The following LPP variants were observed in gnomAD, a reference collection of about 807,000 sequenced individuals.
LPP encodes the protein LIM domain containing preferred translocation partner in lipoma, also known as lipoma-preferred partner.
Under a neutral mutation model 60.4 loss-of-function variants are expected in LPP, and 38 were observed. The observed-to-expected ratio is 0.63, with a 90% CI of 0.49 to 0.83. The LOEUF (loss-of-function observed/expected upper bound fraction) is 0.83. LPP is among the 40% of genes least tolerant of loss of function. The probability of loss-of-function intolerance (pLI) is 0.00; values close to 1 mark genes in which losing one functional copy is unlikely to be tolerated. For missense variants in LPP, 902 were observed against 783.6 expected, an observed-to-expected ratio of 1.15 and a Z score of -1.80; for synonymous variants, 328 against 290.8, an observed-to-expected ratio of 1.13 and a Z score of -1.30.
intron 9 of LPP, among the ~76,000 whole-genome samples, chr3:188,788,716 C>G (rs1211137482): frequency 3.9e-5 from 6 of 152,146 alleles, no homozygotes; most frequent in Non-Finnish European, 8.8e-5. Flanking sequence ...GTATAAGCAT[C>G]AAAGGGGTAG....
intron 2 of LPP, among the ~76,000 whole-genome samples, chr3:188,339,483 A>T: frequency 6.6e-6 from 1 of 152,144 alleles, no homozygotes; most frequent in East Asian, 1.9e-4. Flanking sequence ...GGTTTAATTG[A>T]CTCACAGTTC....
At chr3:188,746,436 G>C in intron 8 of LPP, 1 of 472,266 alleles carries the variant, frequency 2.1e-6, no homozygotes, top group South Asian at 1.6e-5. Flanking sequence ...TTTTGTTTCA[G>C]AAATAAAGCA....
intron 7 of LPP, among the ~76,000 whole-genome samples, chr3:188,668,833 C>A (rs964113138): frequency 3.9e-5 from 6 of 152,172 alleles, no homozygotes; most frequent in Non-Finnish European, 8.8e-5. Flanking sequence ...TACTCTTTAT[C>A]GCTTCTCAGC....
intron 3 of LPP, among the ~76,000 whole-genome samples, chr3:188,376,973 T>G (rs1474102454): frequency 1.3e-5 from 2 of 152,188 alleles, no homozygotes; most frequent in East Asian, 3.8e-4. Context: ...GAAGCTTAGT[T>G]TGGCTGGATA....
chr3:188,837,787 T>C lies in LPP; in HGVS notation c.1411-28413T>C, dbSNP rs561209632. Among the ~76,000 whole-genome samples the C allele has an allele frequency of 2.3e-3, 345 of 152,186 alleles. 1 individual carries two copies. The highest frequency in any genetic ancestry group is 7.9e-3 in the African/African-American group (329 of 41,510). On this transcript the variant is annotated intron_variant, in intron 9 of 11. Transcript: ENST00000617246. ...AACTTAACAAGGATGCCTTAAGAAA[T>C]ATAAAGGTGTCATTGCCCAGGAGGC...
intron 9 of LPP, among the ~76,000 whole-genome samples, chr3:188,792,425 C>T (rs990007833): frequency 2.6e-5 from 4 of 152,220 alleles, no homozygotes; most frequent in African/African-American, 7.2e-5. Context: ...GGTTTGCTGC[C>T]GGTGAGAAGC....
chr3:188,175,080 A>AATTTT, intron 1 of LPP, among the ~76,000 whole-genome samples: 1 of 152,124 alleles, frequency 6.6e-6, no homozygotes, highest in Admixed American at 6.6e-5. Flanking sequence ...TTTAGAGTAG[A>AATTTT]ATTTTATTTT....
At chr3:188,381,185 G>A (rs977755956) in intron 3 of LPP, among the ~76,000 whole-genome samples, 2 of 112,624 alleles carry the variant, frequency 1.8e-5, no homozygotes, top group African/African-American at 2.9e-5. Context: ...CGTGTGACAC[G>A]AATGCAAACA....
At chr3:188,541,190 A>G (rs926172538) in intron 6 of LPP, among the ~76,000 whole-genome samples, 14 of 152,212 alleles carry the variant, frequency 9.2e-5, no homozygotes, top group Non-Finnish European at 1.8e-4. Flanking sequence ...CATGTAAAGC[A>G]ATAGTTAAGT....
chr3:188,280,843 A>G (rs75899562), intron 2 of LPP, among the ~76,000 whole-genome samples: 2,896 of 152,222 alleles, frequency 0.019, 43 homozygotes, highest in Non-Finnish European at 0.032. Context: ...ATTGTATACA[A>G]ATGACCTTAG....
chr3:188,194,522 T>C (rs1052309731), intron 1 of LPP, among the ~76,000 whole-genome samples: 2 of 152,194 alleles, frequency 1.3e-5, no homozygotes, highest in African/African-American at 4.8e-5. Context: ...CTCTATCCAG[T>C]TCTACTAACC....
At chr3:188,173,793 G>A (rs993170565) in intron 1 of LPP, among the ~76,000 whole-genome samples, 5 of 152,116 alleles carry the variant, frequency 3.3e-5, no homozygotes, top group Admixed American at 2.0e-4. Flanking sequence ...TGACAATGCT[G>A]GGAGAAGCTG....
intron 6 of LPP, among the ~76,000 whole-genome samples, chr3:188,547,298 AAAC>A (rs1826907227): frequency 6.6e-6 from 1 of 152,212 alleles, no homozygotes; most frequent in African/African-American, 2.4e-5. Flanking sequence ...CTCAGGAAAC[AAAC>A]AACACACATG....
At chr3:188,770,408 G>T (rs1483039724) in intron 9 of LPP, among the ~76,000 whole-genome samples, 4 of 148,112 alleles carry the variant, frequency 2.7e-5, no homozygotes, top group Non-Finnish European at 5.9e-5. Flanking sequence ...AGCCAGGATG[G>T]TCTTGATCTC....
At chr3:188,527,641 T>C (rs1306205120) in intron 6 of LPP, among the ~76,000 whole-genome samples, 1 of 152,116 alleles carries the variant, frequency 6.6e-6, no homozygotes, top group Admixed American at 6.5e-5. Context: ...TTTTTTTGAT[T>C]CCACCCAAGC....
intron 9 of LPP, among the ~76,000 whole-genome samples, chr3:188,851,852 T>C (rs1360696218): frequency 2.6e-5 from 4 of 152,288 alleles, no homozygotes; most frequent in Non-Finnish European, 5.9e-5. Context: ...TCTTACAGTT[T>C]GGTGGGTCAG....
At chr3:188,198,127 T>G (rs1308360524) in intron 1 of LPP, among the ~76,000 whole-genome samples, 1 of 152,246 alleles carries the variant, frequency 6.6e-6, no homozygotes, top group African/African-American at 2.4e-5. Flanking sequence ...TTATTCATAT[T>G]GTTTCACTTA....
At chr3:188,347,789 G>C (rs910498351) in intron 3 of LPP, among the ~76,000 whole-genome samples, 2 of 152,190 alleles carry the variant, frequency 1.3e-5, no homozygotes, top group Non-Finnish European at 2.9e-5. Context: ...AGAGTGAAAG[G>C]CAGGTCAGAG....
rs35746269 is a variant in LPP at position 188,609,182 on chromosome 3, T to A, written c.451T>A (p.Ser151Thr). The A allele has an allele frequency of 6.2e-7, 1 of 1,611,502 alleles. No homozygotes were observed. Among genetic ancestry groups the A allele is most frequent in the South Asian group, 1.1e-5 (1 of 90,924 alleles). Residue 151 changes from serine (S) to threonine (T), a missense_variant, in exon 7 of 12, where the codon TCT becomes ACT. Physicochemically the swap from Ser to Thr is moderately conservative, Grantham distance 58. Coordinates refer to ENST00000617246, the MANE Select transcript of LPP (RefSeq NM_001375462.1). The surrounding 1 kb of genome is among the most constrained non-coding windows in gnomAD (Gnocchi z 6.9). ...PPQSSTGSTA[S>T]PPVSTPVTGH... Reference sequence around the variant, plus strand: ...TTAGAGCTCCACTGGTTCAACAGCCTCTCCTCCAGTTTCGACCCCAGTCAC... The same window carrying A: ...TTAGAGCTCCACTGGTTCAACAGCCACTCCTCCAGTTTCGACCCCAGTCAC...
Sources: allele counts gnomAD v4.1 joint callset (sites outside exome capture counted in the v4.1 genomes callset), GRCh38; gene constraint gnomAD v4.1.1; non-coding constraint Gnocchi (gnomAD v3.1); transcripts MANE v1.5; gene names NCBI Gene and HGNC (gene_info 2026-07-23, HGNC 2026-07-21).